Variants in DCLRE1A observed in about 807,000 individuals in gnomAD.
DCLRE1A encodes the protein DNA cross-link repair 1A protein.
Under a neutral mutation model 91.9 loss-of-function variants are expected in DCLRE1A, and 64 were observed. The ratio of observed to expected loss-of-function variants is 0.70; its 90% CI spans 0.57 to 0.86. The LOEUF (loss-of-function observed/expected upper bound fraction) is 0.86. Ranked by LOEUF, DCLRE1A falls within the 40% of genes least tolerant of loss-of-function variation. DCLRE1A has a pLI of 0.00. For missense variants in DCLRE1A, 1,145 were observed against 1,213.3 expected (o/e 0.94, Z 0.84); for synonymous variants, 416 against 431.1 (o/e 0.96, Z 0.43).
At chr10:113,848,891 A>T in intron 2 of DCLRE1A, 89 bp downstream of exon 2, 1 of 1,218,614 alleles carries the variant, frequency 8.2e-7, no homozygotes, top group Non-Finnish European at 1.2e-6. Flanking sequence ...AAATTGTCTC[A>T]TACACACACA....
chr10:113,854,320 CCTT>C (rs1845712335), upstream of DCLRE1A: 2 of 152,398 alleles, frequency 1.3e-5, no homozygotes, highest in Admixed American at 6.5e-5. Context: ...GTTTACAAAG[CCTT>C]CTCTCTGGAG....
chr10:113,844,170 G>A lies in DCLRE1A; in HGVS notation c.2453C>T (p.Ala818Val). ...TVILHTGDFRADPSMERSLLA... is the reference protein window; with the variant it reads ...TVILHTGDFRVDPSMERSLLA... ...AAGAGAACGTTCCATGCTGGGATCT[G>A]CTCTGAAGTCTCCCGTGTGTAATAT... Residue 818 changes from alanine (A) to valine (V), a missense_variant, in exon 5 of 9, where the codon GCA becomes GTA. Physicochemically the swap from Ala to Val is moderately conservative, Grantham distance 64 (BLOSUM62 0). Coordinates refer to ENST00000361384, the MANE Select transcript of DCLRE1A (RefSeq NM_014881.5). The A allele has an allele frequency of 2.5e-6, 4 of 1,614,176 alleles. No individual in the cohort carries two copies. The highest frequency in any genetic ancestry group is 2.5e-6 in the Non-Finnish European group (3 of 1,180,034).
chr10:113,852,221 G>A (rs1022275889), intron 1 of DCLRE1A, among the ~76,000 whole-genome samples: 6 of 151,918 alleles, frequency 3.9e-5, no homozygotes, highest in Admixed American at 1.3e-4. Context: ...CTGTAGTCCC[G>A]GCTACTCGGG....
chr10:113,842,605 A>G (rs1160337949), intron 5 of DCLRE1A, 117 bp from the exon 6 acceptor site: 1 of 862,028 alleles, frequency 1.2e-6, no homozygotes, highest in African/African-American at 1.7e-5. Flanking sequence ...AATGTAATAT[A>G]TTAATACCAC....
At chr10:113,837,712 C>T (rs1377134916) in intron 7 of DCLRE1A, among the ~76,000 whole-genome samples, 2 of 152,126 alleles carry the variant, frequency 1.3e-5, no homozygotes, top group Non-Finnish European at 2.9e-5. Flanking sequence ...ATGCCTTTTA[C>T]CCTTTAAACA....
intron 7 of DCLRE1A, among the ~76,000 whole-genome samples, chr10:113,840,112 G>A (rs1845422293): frequency 6.6e-6 from 1 of 151,944 alleles, no homozygotes; most frequent in African/African-American, 2.4e-5. Context: ...TGGTCAACAT[G>A]GTGAAACCCC....
rs991255720 is a variant in DCLRE1A, at chr10:113,849,957, T to G, written c.1148A>C (p.Asp383Ala). Reference protein sequence around the residue: ...EGLYRFNSLNDLSQPISQNNE... With the variant: ...EGLYRFNSLNALSQPISQNNE... ...ATTTTGAGAAATAGGTTGAGACAAA[T>G]CATTTAGACTATTGAATCTATACAA... The change falls in exon 2 of 9, where the codon GAT (aspartate) becomes GCT (alanine). Residue 383 changes from aspartate to alanine, a missense_variant. Transcript: ENST00000361384. The G allele has an allele frequency of 1.2e-6, 2 of 1,613,996 alleles. No homozygotes were observed. The highest frequency in any genetic ancestry group is 1.7e-6 in the Non-Finnish European group (2 of 1,180,028).
intron 8 of DCLRE1A, among the ~76,000 whole-genome samples, chr10:113,836,234 T>C (rs779681918): frequency 3.5e-4 from 54 of 152,164 alleles, no homozygotes; most frequent in Non-Finnish European, 5.1e-4. Flanking sequence ...ATATGAAACT[T>C]AGAACATTCA....
intron 5 of DCLRE1A, among the ~76,000 whole-genome samples, chr10:113,843,377 T>G (rs1845478393): frequency 6.6e-6 from 1 of 152,172 alleles, no homozygotes; most frequent in African/African-American, 2.4e-5. Context: ...TTTTCTTAAT[T>G]TATCCAGTGC....
chr10:113,850,709 G>T, intron 1 of DCLRE1A, 65 bp from the exon 2 acceptor site: 1 of 1,327,442 alleles, frequency 7.5e-7, no homozygotes, highest in Non-Finnish European at 1.0e-6. Context: ...GACAACATTA[G>T]CAGTATAAAT....
Position 113,844,191 on chromosome 10 carries a change from AAT to A in DCLRE1A, c.2430_2431del (p.Leu811ThrfsTer32). 1 of 1,614,224 alleles carries A rather than the reference AAT, an allele frequency of 6.2e-7. No individual in the cohort carries two copies. Among genetic ancestry groups the A allele is most frequent in the Non-Finnish European group, 8.5e-7 (1 of 1,180,028 alleles). ...ATCTGCTCTGAAGTCTCCCGTGTGTAATATGACAGTACCATTAGGAAGATAAA... is the reference window on the plus strand; with the variant it reads ...ATCTGCTCTGAAGTCTCCCGTGTGTAATGACAGTACCATTAGGAAGATAAA... On this transcript the variant is annotated frameshift_variant, in exon 5 of 9. Transcript: ENST00000361384. LOFTEE classifies it high-confidence loss of function.
chr10:113,835,913 G>A lies in DCLRE1A; in HGVS notation c.2963-601C>T, dbSNP rs551050446. 1.5e-4 allele frequency among the ~76,000 whole-genome samples: 23 copies of A among 152,160 alleles called. No individual in the cohort carries two copies. In the South Asian group the frequency reaches 2.3e-3, roughly 15 times the overall value. ...TCGTGCCACTGTACTCCAGCCTGGC[G>A]ACACAGCAAGACTCTTGTCTCAAAA... is the stretch of plus-strand genomic sequence containing the variant. On this transcript the variant is annotated intron_variant, in intron 8 of 8. Transcript: ENST00000361384.
intron 1 of DCLRE1A, among the ~76,000 whole-genome samples, chr10:113,851,676 C>T (rs928888949): frequency 6.6e-6 from 1 of 151,650 alleles, no homozygotes; most frequent in Non-Finnish European, 1.5e-5. Flanking sequence ...ATACATAGCA[C>T]GATGACTAAA....
At position 113,840,327 on chromosome 10, in the gene DCLRE1A, G is replaced by C. The variant is rs537185705; in HGVS notation, c.2820+1079C>G. 1.8e-3 allele frequency among the ~76,000 whole-genome samples: 269 copies of C among 151,620 alleles called. 1 individual carries two copies. The highest frequency in any genetic ancestry group is 3.2e-3 in the Non-Finnish European group (219 of 67,870). ...AAAAAAACAACAAAAAAAAAAGTTT[G>C]AGTTTGTAGTAGTGAAAATCTAAAT... On this transcript the variant is annotated intron_variant, in intron 7 of 8. Coordinates refer to ENST00000361384, the MANE Select transcript of DCLRE1A (RefSeq NM_014881.5).
At chr10:113,850,715 T>C (rs868749902) in intron 1 of DCLRE1A, 71 bp from the exon 2 acceptor site, 45 of 1,250,954 alleles carry the variant, frequency 3.6e-5, no homozygotes, top group South Asian at 2.4e-4. Context: ...ATTAGCAGTA[T>C]AAATTGGGTT....
At chr10:113,850,735 A>ATAT in intron 1 of DCLRE1A, 91 bp from the exon 2 acceptor site, 1 of 998,644 alleles carries the variant, frequency 1.0e-6, no homozygotes. Flanking sequence ...TCCATTATTT[A>ATAT]ATATCCACAT....
chr10:113,847,751 T>C (rs1030235263), intron 2 of DCLRE1A, among the ~76,000 whole-genome samples: 14 of 151,824 alleles, frequency 9.2e-5, no homozygotes, highest in Non-Finnish European at 1.9e-4. Flanking sequence ...AGGGCCAACA[T>C]AATCTCACAT....
chr10:113,837,018 TA>T, intron 8 of DCLRE1A, 43 bp downstream of exon 8: 1 of 1,474,976 alleles, frequency 6.8e-7, no homozygotes, highest in South Asian at 1.4e-5. Context: ...AATGTAATTA[TA>T]AACATTATAA....
rs1460743086 is a variant in DCLRE1A, at chr10:113,850,148, T to G, written c.957A>C (p.Ser319=). Residue 319 remains serine, a synonymous_variant, in exon 2 of 9, where the codon TCA becomes TCC. Transcript: ENST00000361384. ...THDIDEKPDD[S]QEQLFFTESS... ...TTTCGGTAAAAAACAGTTGTTCTTG[T>G]GAATCATCCGGTTTTTCATCGATAT... is the stretch of plus-strand genomic sequence containing the variant. 2 of 1,614,164 alleles carry G rather than the reference T, an allele frequency of 1.2e-6. No individual in the cohort carries two copies. Among genetic ancestry groups the G allele is most frequent in the South Asian group, 2.2e-5 (2 of 91,084 alleles).
Sources: allele counts gnomAD v4.1 joint callset (sites outside exome capture counted in the v4.1 genomes callset), GRCh38; gene constraint gnomAD v4.1.1; transcripts MANE v1.5; gene names NCBI Gene and HGNC (gene_info 2026-07-23, HGNC 2026-07-21).